Variants in TRIM27 observed in about 807,000 individuals in gnomAD.
TRIM27 encodes the protein tripartite motif containing 27.
A neutral mutation model predicts 57.6 loss-of-function variants in TRIM27; 12 were observed. The observed-to-expected ratio is 0.21, with a 90% CI of 0.13 to 0.34. The LOEUF (loss-of-function observed/expected upper bound fraction) is 0.34, where lower values mean the gene tolerates loss of function less well. Ranked by LOEUF, TRIM27 falls within the 10% of genes least tolerant of loss-of-function variation. The pLI, the probability that TRIM27 is intolerant of heterozygous loss-of-function variation, is 1.00. For missense variants in TRIM27, 403 were observed against 656.8 expected, an observed-to-expected ratio of 0.61 and a Z score of 4.22; for synonymous variants, 266 against 259.0, an observed-to-expected ratio of 1.03 and a Z score of -0.26.
At chr6:28,919,991 G>A in intron 3 of TRIM27, 21 bp downstream of exon 3, 1 of 1,603,256 alleles carries the variant, frequency 6.2e-7, no homozygotes, top group Non-Finnish European at 8.5e-7. Context: ...TGCTGCTCTA[G>A]CAGGGCTCTG....
Position 28,911,716 on chromosome 6 carries a change from G to C in TRIM27, c.750C>G (p.Asp250Glu). ...QQQPTRELLQDIGDTLSRAER... is the reference protein window; with the variant it reads ...QQQPTRELLQEIGDTLSRAER... Reference sequence around the variant, plus strand: ...TATACCTGCTCAATGTGTCCCCAATGTCCTGCAAGAGAAAGGAAAAAAAAT... The same window carrying C: ...TATACCTGCTCAATGTGTCCCCAATCTCCTGCAAGAGAAAGGAAAAAAAAT... Residue 250 changes from aspartate (D) to glutamate (E), a missense_variant and splice_region_variant, in exon 4 of 8, where the codon GAC (aspartate) becomes GAG (glutamate). Asp to Glu is a conservative substitution (Grantham distance 45). Transcript: ENST00000377199. 2 of 1,611,830 alleles carry C rather than the reference G, an allele frequency of 1.2e-6. No homozygotes were observed. Among genetic ancestry groups the C allele is most frequent in the Non-Finnish European group, 1.7e-6 (2 of 1,179,298 alleles).
chr6:28,916,733 A>G (rs1436325601), intron 3 of TRIM27, among the ~76,000 whole-genome samples: 1 of 152,120 alleles, frequency 6.6e-6, no homozygotes, highest in Admixed American at 6.6e-5. Flanking sequence ...TTAGATCCAG[A>G]CAGTGGTTGA....
At chr6:28,913,269 A>AATATATATATATATAT (rs1219781094) in intron 3 of TRIM27, among the ~76,000 whole-genome samples, 27 of 135,508 alleles carry the variant, frequency 2.0e-4, no homozygotes, top group Non-Finnish European at 3.5e-4. Flanking sequence ...AAAAAAAAAA[A>AATATATATATATATAT]ATATATATAT....
intron 3 of TRIM27, among the ~76,000 whole-genome samples, chr6:28,918,349 A>T (rs368112633): frequency 5.1e-4 from 77 of 151,798 alleles, no homozygotes; most frequent in South Asian, 2.1e-3. Context: ...CATTCACCTG[A>T]CCTAGTCACT....
intron 3 of TRIM27, among the ~76,000 whole-genome samples, chr6:28,912,857 A>G (rs1773311424): frequency 6.6e-6 from 1 of 152,190 alleles, no homozygotes; most frequent in Non-Finnish European, 1.5e-5. Flanking sequence ...TAACATGTTC[A>G]TAATTTGTAA....
At position 28,904,007 on chromosome 6, in the gene TRIM27, C is replaced by T; in HGVS notation, c.*63G>A. The T allele has an allele frequency of 7.1e-7, 1 of 1,406,444 alleles. No individual in the cohort carries two copies. The highest frequency in any genetic ancestry group is 1.3e-5 in the South Asian group (1 of 79,764). The allele number at this position is 1,406,444 out of a possible 1,614,324, so 87.1% of individuals were successfully genotyped here. On this transcript the variant is annotated 3_prime_UTR_variant, in exon 8 of 8. Coordinates refer to ENST00000377199, the MANE Select transcript of TRIM27 (RefSeq NM_006510.5). The surrounding 1 kb of genome is among the most constrained non-coding windows in gnomAD (Gnocchi z 6.1). ...GCTGTGACAGGACGTGGCAAGGCAA[C>T]AAGATGCCTTGTGCCTGGCGTAGGA...
At chr6:28,907,570 A>G (rs1464675814) in intron 6 of TRIM27, 9 of 631,556 alleles carry the variant, frequency 1.4e-5, no homozygotes, top group Non-Finnish European at 2.4e-5. Context: ...GATTCTGCAG[A>G]GGGAAACGCG....
At chr6:28,912,632 A>G (rs1470341365) in intron 3 of TRIM27, among the ~76,000 whole-genome samples, 2 of 152,182 alleles carry the variant, frequency 1.3e-5, no homozygotes, top group Admixed American at 1.3e-4. Context: ...TCCATAGTGT[A>G]TATGTGCATA....
intron 3 of TRIM27, among the ~76,000 whole-genome samples, chr6:28,913,269 A>AAAAAATATATATATATATATAT (rs1554184215): frequency 7.4e-5 from 10 of 135,558 alleles, no homozygotes; most frequent in Middle Eastern, 3.8e-3. Flanking sequence ...AAAAAAAAAA[A>AAAAAATATATATATATATATAT]ATATATATAT....
intron 3 of TRIM27, among the ~76,000 whole-genome samples, chr6:28,912,294 C>T (rs1385569453): frequency 6.6e-6 from 1 of 152,030 alleles, no homozygotes; most frequent in South Asian, 2.1e-4. Context: ...GTTTTTAGCA[C>T]AGACAGCATT....
In TRIM27 at chr6:28,904,040, C is replaced by G; in HGVS notation, c.*30G>C. ...CTTGTGCCTGGCGTAGGATTACAGCCAACAGCCCTTTTGGCCTGAATTCAC... is the reference window on the plus strand; with the variant it reads ...CTTGTGCCTGGCGTAGGATTACAGCGAACAGCCCTTTTGGCCTGAATTCAC... On this transcript the variant is annotated 3_prime_UTR_variant, in exon 8 of 8. Coordinates refer to ENST00000377199, the MANE Select transcript of TRIM27 (RefSeq NM_006510.5). The surrounding 1 kb of genome is among the most constrained non-coding windows in gnomAD (Gnocchi z 6.1). 1 of 1,584,950 alleles carries G rather than the reference C, an allele frequency of 6.3e-7. No individual in the cohort carries two copies. The highest frequency in any genetic ancestry group is 8.6e-7 in the Non-Finnish European group (1 of 1,159,810).
At chr6:28,918,784 G>A (rs1469281481) in intron 3 of TRIM27, among the ~76,000 whole-genome samples, 1 of 151,924 alleles carries the variant, frequency 6.6e-6, no homozygotes, top group Admixed American at 6.6e-5. Flanking sequence ...GTTGAGGCAG[G>A]AGAATCGCTT....
Position 28,912,495 on chromosome 6 carries a change from GA to G in TRIM27, c.748-778del, listed in dbSNP as rs745645172. Among the ~76,000 whole-genome samples, 1,026 of 136,252 alleles carry G rather than the reference GA, an allele frequency of 7.5e-3. 8 individuals are homozygous for G. The highest frequency in any genetic ancestry group is 0.012 in the Non-Finnish European group (744 of 62,624). The allele number at this position is 136,252 out of a possible 152,430, so 89.4% of individuals were successfully genotyped here. A position where few individuals can be genotyped will look rare whatever the true frequency, so the allele number is the denominator to read the frequency against. Reference sequence around the variant, plus strand: ...CAACAAGAGTGAAACTCTGTCTCAGGAAAAAAAAAAAAAGTAGCATACTCTC... The same window carrying G: ...CAACAAGAGTGAAACTCTGTCTCAGGAAAAAAAAAAAAGTAGCATACTCTC... On this transcript the variant is annotated intron_variant, in intron 3 of 7. Coordinates refer to ENST00000377199, the MANE Select transcript of TRIM27 (RefSeq NM_006510.5).
At position 28,903,269 on chromosome 6, in the gene TRIM27, G is replaced by C. The variant is rs1268014165; in HGVS notation, c.*801C>G. ...GGAATATTGTCCCAGAATCCTTCCAGGGATGGTATACGACTGGCCACCAGT... is the reference window on the plus strand; with the variant it reads ...GGAATATTGTCCCAGAATCCTTCCACGGATGGTATACGACTGGCCACCAGT... On this transcript the variant is annotated 3_prime_UTR_variant, in exon 8 of 8. Transcript: ENST00000377199. The C allele has an allele frequency of 8.6e-6, 2 of 233,058 alleles. No individual in the cohort carries two copies. Among genetic ancestry groups the C allele is most frequent in the Non-Finnish European group, 8.5e-6 (1 of 118,018 alleles). 14.4% of individuals were successfully genotyped at this position (233,058 alleles called of 1,614,324 possible).
chr6:28,908,548 GGATTGATT>G (rs1772946175), intron 6 of TRIM27: 1 of 470,044 alleles, frequency 2.1e-6, no homozygotes, highest in African/African-American at 2.0e-5. Flanking sequence ...AATTAATTCT[GGATTGATT>G]AATTTTTGGA....
intron 3 of TRIM27, among the ~76,000 whole-genome samples, chr6:28,918,061 G>A (rs1210591147): frequency 2.0e-5 from 3 of 151,992 alleles, no homozygotes; most frequent in Non-Finnish European, 4.4e-5. Flanking sequence ...CCCGACCTCA[G>A]GTGATCTGCC....
intron 3 of TRIM27, chr6:28,915,698 T>A (rs928084262): frequency 6.6e-6 from 1 of 152,208 alleles, no homozygotes; most frequent in Non-Finnish European, 1.5e-5. Context: ...TTAGCATGGC[T>A]CCTGCACAAG....
intron 3 of TRIM27, among the ~76,000 whole-genome samples, chr6:28,916,490 T>G (rs2150481755): frequency 6.6e-6 from 1 of 151,390 alleles, no homozygotes; most frequent in East Asian, 2.0e-4. Context: ...AGGCGGAGGT[T>G]GCGGTGAGCG....
chr6:28,915,399 AG>A (rs1231266250), intron 3 of TRIM27: 1 of 151,902 alleles, frequency 6.6e-6, no homozygotes, highest in African/African-American at 2.4e-5. Flanking sequence ...ACCTGAGGTC[AG>A]GAGTTGAAGA....
Sources: allele counts gnomAD v4.1 joint callset (sites outside exome capture counted in the v4.1 genomes callset), GRCh38; gene constraint gnomAD v4.1.1; non-coding constraint Gnocchi (gnomAD v3.1); transcripts MANE v1.5; gene names NCBI Gene and HGNC (gene_info 2026-07-23, HGNC 2026-07-21).